Variants in MOB3B observed in about 807,000 individuals in gnomAD.
MOB3B encodes the protein MOB kinase activator 3B, also known as MOB kinase activator-like 2B.
MOB3B carries 7 observed loss-of-function variants against 18.7 expected under a neutral mutation model. That is an observed-to-expected ratio of 0.37 (90% confidence interval 0.21 to 0.70). The LOEUF (loss-of-function observed/expected upper bound fraction) is 0.70, where lower values mean the gene tolerates loss of function less well. Among genes scored for constraint, MOB3B ranks in the 30% least tolerant of loss-of-function variants. MOB3B has a pLI of 0.52. For synonymous variants in MOB3B, 111 were observed against 99.9 expected, an observed-to-expected ratio of 1.11 and a Z score of -0.66; for missense variants, 253 against 281.3, an observed-to-expected ratio of 0.90 and a Z score of 0.72.
chr9:27,520,532 T>C (rs1157832852), intron 1 of MOB3B, among the ~76,000 whole-genome samples: 1 of 152,220 alleles, frequency 6.6e-6, no homozygotes, highest in Admixed American at 6.5e-5. Flanking sequence ...CCTCTGGCTT[T>C]ACAGAACAGA....
At chr9:27,468,559 C>T (rs566551268) in intron 1 of MOB3B, among the ~76,000 whole-genome samples, 134 of 152,258 alleles carry the variant, frequency 8.8e-4, no homozygotes, top group African/African-American at 2.5e-3. Flanking sequence ...ATCTCTGATG[C>T]GAATGCCCCA....
intron 3 of MOB3B, among the ~76,000 whole-genome samples, chr9:27,357,314 C>A (rs527845866): frequency 4.0e-5 from 6 of 150,886 alleles, no homozygotes; most frequent in Admixed American, 6.6e-5. Context: ...ATCAAAGGGG[C>A]CTTGTTGATC....
At chr9:27,522,268 A>AAAAT (rs1563889769) in intron 1 of MOB3B, among the ~76,000 whole-genome samples, 3 of 130,818 alleles carry the variant, frequency 2.3e-5, no homozygotes, top group Admixed American at 7.9e-5. Flanking sequence ...AAAAAAAAAG[A>AAAAT]AAAGAAAGAA....
At chr9:27,351,422 C>A (rs1427147199) in intron 3 of MOB3B, among the ~76,000 whole-genome samples, 1 of 150,370 alleles carries the variant, frequency 6.7e-6, no homozygotes, top group Non-Finnish European at 1.5e-5. Flanking sequence ...CCATTACATG[C>A]CTTGCCCCAT....
rs756275032 is a variant in MOB3B at position 27,404,347 on chromosome 9, C to CTTTTTTTTTTTTTT, written c.419-45125_419-45112dup. Reference sequence around the variant, plus strand: ...TCTTTCTTTCTTTCCTTCTTTCTTTCTTTTTTTTTTTTTTTTTTTTTTTTT... The same window carrying CTTTTTTTTTTTTTT: ...TCTTTCTTTCTTTCCTTCTTTCTTTCTTTTTTTTTTTTTTTTTTTTTTTTTTTTTTTTTTTTTTT... On this transcript the variant is annotated intron_variant, in intron 2 of 3. Coordinates refer to ENST00000262244, the MANE Select transcript of MOB3B (RefSeq NM_024761.5). Among the ~76,000 whole-genome samples, 24 of 75,168 alleles carry CTTTTTTTTTTTTTT rather than the reference C, an allele frequency of 3.2e-4. 1 individual carries two copies. Among genetic ancestry groups the CTTTTTTTTTTTTTT allele is most frequent in the African/African-American group, 9.8e-4 (17 of 17,412 alleles). The allele number at this position is 75,168 out of a possible 152,430, so 49.3% of individuals were successfully genotyped here.
intron 3 of MOB3B, among the ~76,000 whole-genome samples, chr9:27,345,841 A>T (rs866701665): frequency 2.0e-5 from 3 of 152,292 alleles, no homozygotes; most frequent in South Asian, 4.1e-4. Context: ...ACAGGGAGAG[A>T]ACTGGGCTCG....
At chr9:27,512,127 C>T (rs746520126) in intron 1 of MOB3B, among the ~76,000 whole-genome samples, 18 of 152,232 alleles carry the variant, frequency 1.2e-4, no homozygotes, top group Non-Finnish European at 1.8e-4. Context: ...TGGAAGATGG[C>T]GGGGCCACAA....
At position 27,355,084 on chromosome 9, in the gene MOB3B, G is replaced by T. The variant is rs548862074; in HGVS notation, c.621+3950C>A. Among the ~76,000 whole-genome samples, 175 of 152,304 alleles carry T rather than the reference G, an allele frequency of 1.1e-3. 1 individual carries two copies. The highest frequency in any genetic ancestry group is 3.4e-3 in the African/African-American group (140 of 41,556). On this transcript the variant is annotated intron_variant, in intron 3 of 3. Transcript: ENST00000262244. ...TTAGTAAATGCAGGGTCCAGGGTTGGAACCCACAGAGTCTAAGACTTTTCT... is the reference window on the plus strand; with the variant it reads ...TTAGTAAATGCAGGGTCCAGGGTTGTAACCCACAGAGTCTAAGACTTTTCT...
chr9:27,525,659 T>C (rs1478664439), intron 1 of MOB3B, among the ~76,000 whole-genome samples: 1 of 152,166 alleles, frequency 6.6e-6, no homozygotes, highest in African/African-American at 2.4e-5. Context: ...CTGATGTATA[T>C]TGTTTGATTC....
chr9:27,466,395 G>A (rs1368333653), intron 1 of MOB3B, among the ~76,000 whole-genome samples: 1 of 152,150 alleles, frequency 6.6e-6, no homozygotes, highest in African/African-American at 2.4e-5. Context: ...CATTCAACAA[G>A]TCTTTAGGAG....
chr9:27,424,135 C>T (rs192622842), intron 2 of MOB3B, among the ~76,000 whole-genome samples: 1 of 152,334 alleles, frequency 6.6e-6, no homozygotes, highest in East Asian at 1.9e-4. Flanking sequence ...TCATCACTCA[C>T]ATAGAGTTAG....
chr9:27,500,841 T>A (rs369226962), intron 1 of MOB3B, among the ~76,000 whole-genome samples: 10 of 152,242 alleles, frequency 6.6e-5, no homozygotes, highest in Middle Eastern at 6.8e-3. Context: ...ATTTTTGCAA[T>A]CTACCCATCT....
intron 2 of MOB3B, among the ~76,000 whole-genome samples, chr9:27,418,066 T>C (rs1451418711): frequency 1.8e-5 from 2 of 108,736 alleles, no homozygotes; most frequent in African/African-American, 3.6e-5. Flanking sequence ...CACTCCAGCC[T>C]GGGAGACAGG....
At position 27,382,580 on chromosome 9, in the gene MOB3B, C is replaced by T. The variant is rs533881332; in HGVS notation, c.419-23344G>A. Among the ~76,000 whole-genome samples, 126 of 152,202 alleles carry T rather than the reference C, an allele frequency of 8.3e-4. 2 individuals are homozygous for T. The highest frequency in any genetic ancestry group is 3.4e-3 in the Middle Eastern group (1 of 294). ...TCACCATGATTCAGACAAACAGGTCCGTGGCTCCTACCTAGGCTGAGAAAA... is the reference window on the plus strand; with the variant it reads ...TCACCATGATTCAGACAAACAGGTCTGTGGCTCCTACCTAGGCTGAGAAAA... On this transcript the variant is annotated intron_variant, in intron 2 of 3. Transcript: ENST00000262244.
At chr9:27,364,451 C>T (rs368033335) in intron 2 of MOB3B, among the ~76,000 whole-genome samples, 9 of 152,306 alleles carry the variant, frequency 5.9e-5, no homozygotes, top group South Asian at 2.1e-4. Flanking sequence ...AGGTTTACAA[C>T]GTACCCAAGC....
chr9:27,414,815 A>G (rs1209340669), intron 2 of MOB3B, among the ~76,000 whole-genome samples: 1 of 152,212 alleles, frequency 6.6e-6, no homozygotes, highest in African/African-American at 2.4e-5. Flanking sequence ...AAAATGAGAA[A>G]GAAATCCCGT....
chr9:27,508,683 G>A (rs1820094420), intron 1 of MOB3B, among the ~76,000 whole-genome samples: 1 of 152,122 alleles, frequency 6.6e-6, no homozygotes, highest in African/African-American at 2.4e-5. Flanking sequence ...GAAATCAAAG[G>A]GAGTCTCAGA....
chr9:27,405,451 GTTTGAGCTCCTTA>G lies in MOB3B; in HGVS notation c.419-46228_419-46216del, dbSNP rs1332604943. Among the ~76,000 whole-genome samples the G allele has an allele frequency of 3.3e-5, 5 of 152,122 alleles. 1 individual carries two copies. The highest frequency in any genetic ancestry group is 3.3e-4 in the Admixed American group (5 of 15,292). ...TTATTTAGGTTTTTAAAATTGAGTT[GTTTGAGCTCCTTA>G]TATATTTTGGTTATTAATCCCTTCT... On this transcript the variant is annotated intron_variant, in intron 2 of 3. Coordinates refer to ENST00000262244, the MANE Select transcript of MOB3B (RefSeq NM_024761.5).
At chr9:27,422,181 C>A in intron 2 of MOB3B, among the ~76,000 whole-genome samples, 1 of 152,204 alleles carries the variant, frequency 6.6e-6, no homozygotes. Flanking sequence ...ATATTCAATT[C>A]ATTCAACTTG....
Sources: gnomAD v4.1 joint callset for allele counts (sites outside exome capture counted in the v4.1 genomes callset) on GRCh38, gnomAD v4.1.1 for gene constraint, MANE v1.5 for transcripts, NCBI Gene and HGNC (gene_info 2026-07-23, HGNC 2026-07-21) for gene names.